Variants in ARHGAP8 observed in about 807,000 individuals in gnomAD.
The protein encoded by ARHGAP8 is Rho GTPase activating protein 8, also known as rho GTPase-activating protein 8.
Under a neutral mutation model 46.1 loss-of-function variants are expected in ARHGAP8, and 62 were observed. The ratio of observed to expected loss-of-function variants is 1.34; its 90% CI spans 1.10 to 1.66. The LOEUF (loss-of-function observed/expected upper bound fraction) is 1.66. Among genes scored for constraint, ARHGAP8 ranks in the 40% most tolerant of loss-of-function variants. The pLI is 0.00. For synonymous variants in ARHGAP8, 375 were observed against 243.1 expected (o/e 1.54, Z -5.05); for missense variants, 923 against 568.4 (o/e 1.62, Z -6.34).
chr22:44,852,026 A>G (rs2070106929), intron 10 of ARHGAP8, among the ~76,000 whole-genome samples: 1 of 151,814 alleles, frequency 6.6e-6, no homozygotes, highest in Admixed American at 6.6e-5. Context: ...CCCCGTCTCC[A>G]CTAAAAATAC....
chr22:44,811,309 C>G (rs141895889), intron 4 of ARHGAP8, among the ~76,000 whole-genome samples: 1 of 152,220 alleles, frequency 6.6e-6, no homozygotes, highest in Non-Finnish European at 1.5e-5. Context: ...CCAAAGGTAA[C>G]GGCACCAGCC....
chr22:44,834,560 T>A (rs1931160517), intron 7 of ARHGAP8, among the ~76,000 whole-genome samples: 1 of 152,200 alleles, frequency 6.6e-6, no homozygotes. Context: ...AACGGACACA[T>A]GAGAAGAGTG....
At chr22:44,825,631 G>T (rs991133150) in intron 7 of ARHGAP8, 38 bp downstream of exon 7, 2 of 1,578,458 alleles carry the variant, frequency 1.3e-6, no homozygotes, top group Non-Finnish European at 8.6e-7. Context: ...CTATGCCCTG[G>T]AGCCCTGGGA....
At chr22:44,838,429 C>T (rs1931434928) in intron 7 of ARHGAP8, among the ~76,000 whole-genome samples, 1 of 152,156 alleles carries the variant, frequency 6.6e-6, no homozygotes, top group Non-Finnish European at 1.5e-5. Context: ...AGCCACCGTA[C>T]CCGGCCTTAA....
intron 7 of ARHGAP8, among the ~76,000 whole-genome samples, chr22:44,830,518 TTTTTA>T (rs1038694312): frequency 1.3e-5 from 2 of 151,240 alleles, no homozygotes; most frequent in African/African-American, 4.9e-5. Context: ...GCATTTTTAT[TTTTTA>T]TTTTCTTTTA....
In ARHGAP8 at chr22:44,802,070, C is replaced by T. The variant is rs1396747425; in HGVS notation, c.80-7C>T. ...GCACAGAGGCTCACCTGTGTCTGCT[C>T]CTCCAGGGGATGACCGCTTTGGAAG... On this transcript the variant is annotated splice_region_variant and splice_polypyrimidine_tract_variant and intron_variant, in intron 2 of 11. Coordinates refer to ENST00000356099, the MANE Select transcript of ARHGAP8 (RefSeq NM_181335.3). 5.0e-6 allele frequency: 8 copies of T among 1,613,916 alleles called. No individual in the cohort carries two copies. Among genetic ancestry groups the T allele is most frequent in the Non-Finnish European group, 6.8e-6 (8 of 1,179,908 alleles).
intron 1 of ARHGAP8, among the ~76,000 whole-genome samples, chr22:44,771,398 C>T (rs1925989450): frequency 1.3e-5 from 2 of 151,856 alleles, no homozygotes. Context: ...AGGCGCCCGC[C>T]ACCACGCCCA....
intron 10 of ARHGAP8, chr22:44,851,027 A>G (rs886885408): frequency 6.6e-6 from 1 of 151,672 alleles, no homozygotes; most frequent in East Asian, 1.9e-4. Flanking sequence ...GATGAAAATC[A>G]TCTACCACCC....
intron 8 of ARHGAP8, among the ~76,000 whole-genome samples, chr22:44,847,296 A>G (rs2069981681): frequency 6.6e-6 from 1 of 152,182 alleles, no homozygotes; most frequent in Non-Finnish European, 1.5e-5. Context: ...GCTCTTTATA[A>G]ACTGACAATG....
intron 6 of ARHGAP8, among the ~76,000 whole-genome samples, chr22:44,824,523 C>T (rs751680011): frequency 3.3e-5 from 5 of 152,184 alleles, no homozygotes; most frequent in Non-Finnish European, 5.9e-5. Flanking sequence ...CGGGTCCCTG[C>T]TGTATGCACA....
At chr22:44,787,368 C>T (rs1448133814) in intron 2 of ARHGAP8, among the ~76,000 whole-genome samples, 3 of 148,702 alleles carry the variant, frequency 2.0e-5, no homozygotes, top group Non-Finnish European at 3.0e-5. Flanking sequence ...TTGTTTGAGA[C>T]AGGGTTTCGC....
At chr22:44,856,041 C>T (rs1601526658) in intron 10 of ARHGAP8, among the ~76,000 whole-genome samples, 1 of 152,034 alleles carries the variant, frequency 6.6e-6, no homozygotes. Flanking sequence ...ACACACTTAA[C>T]CAGATCTCTT....
chr22:44,764,427 G>A (rs969196012), intron 1 of ARHGAP8, among the ~76,000 whole-genome samples: 2 of 152,136 alleles, frequency 1.3e-5, no homozygotes, highest in Non-Finnish European at 2.9e-5. Context: ...GCAGCCCCTC[G>A]AAAGGCAGGA....
intron 4 of ARHGAP8, among the ~76,000 whole-genome samples, chr22:44,813,529 C>G (rs1297519572): frequency 6.6e-6 from 1 of 151,514 alleles, no homozygotes; most frequent in African/African-American, 2.4e-5. Context: ...ATATACACAC[C>G]TACGTATACT....
intron 5 of ARHGAP8, among the ~76,000 whole-genome samples, chr22:44,820,804 C>T (rs561622057): frequency 8.5e-4 from 130 of 152,270 alleles, no homozygotes; most frequent in African/African-American, 2.9e-3. Context: ...CTAGGGGGAG[C>T]CAGTGCACAC....
chr22:44,855,791 T>C (rs2070205708), intron 10 of ARHGAP8, among the ~76,000 whole-genome samples: 2 of 152,292 alleles, frequency 1.3e-5, no homozygotes, highest in East Asian at 1.9e-4. Flanking sequence ...GAGCTGGTGA[T>C]GGCTGGTAGG....
intron 1 of ARHGAP8, among the ~76,000 whole-genome samples, chr22:44,772,362 T>G (rs1429844524): frequency 6.8e-6 from 1 of 146,462 alleles, no homozygotes; most frequent in African/African-American, 2.5e-5. Flanking sequence ...CTTTTTTTTT[T>G]TTTTTTAAGT....
chr22:44,785,272 A>AC (rs1241484698), intron 1 of ARHGAP8, among the ~76,000 whole-genome samples: 2 of 152,096 alleles, frequency 1.3e-5, no homozygotes, highest in African/African-American at 4.8e-5. Flanking sequence ...ACCTGAATCT[A>AC]CCCATCTCCT....
rs536707073 is a variant in ARHGAP8, at chr22:44,858,687, C to T, written c.878-1044C>T. On this transcript the variant is annotated intron_variant, in intron 10 of 11. Transcript: ENST00000356099. Reference sequence around the variant, plus strand: ...TGCCTGGCTGGTTGGTGGGTTTTGACTGGAAGGCTATGGAGCTCCAGTGGT... The same window carrying T: ...TGCCTGGCTGGTTGGTGGGTTTTGATTGGAAGGCTATGGAGCTCCAGTGGT... 4.4e-3 allele frequency among the ~76,000 whole-genome samples: 661 copies of T among 149,846 alleles called. 7 individuals are homozygous for T. The highest frequency in any genetic ancestry group is 7.1e-3 in the Non-Finnish European group (480 of 67,712).
Sources: allele counts gnomAD v4.1 joint callset (sites outside exome capture counted in the v4.1 genomes callset), GRCh38; gene constraint gnomAD v4.1.1; transcripts MANE v1.5; gene names NCBI Gene and HGNC (gene_info 2026-07-23, HGNC 2026-07-21).